SIPA1L3: variants seen among roughly 807,000 people sequenced by gnomAD.
The protein encoded by SIPA1L3 is signal induced proliferation associated 1 like 3.
A neutral mutation model predicts 150.1 loss-of-function variants in SIPA1L3; 59 were observed. That is an observed-to-expected ratio of 0.39 (90% CI 0.32 to 0.49). SIPA1L3 has a LOEUF of 0.49. Ranked by LOEUF, SIPA1L3 falls within the 20% of genes least tolerant of loss-of-function variation. The pLI, the probability that SIPA1L3 is intolerant of heterozygous loss-of-function variation, is 0.86. For missense variants in SIPA1L3, 2,211 were observed against 2,489.5 expected, an observed-to-expected ratio of 0.89 and a Z score of 2.38; for synonymous variants, 1,070 against 1,077.6, an observed-to-expected ratio of 0.99 and a Z score of 0.14.
chr19:37,999,451 A>G (rs1967729862), intron 1 of SIPA1L3, among the ~76,000 whole-genome samples: 1 of 152,206 alleles, frequency 6.6e-6, no homozygotes, highest in Non-Finnish European at 1.5e-5. Context: ...ATCCTTGTTA[A>G]ACAGGCAACC....
chr19:37,953,225 T>C (rs1310053074), intron 1 of SIPA1L3, among the ~76,000 whole-genome samples: 1 of 152,202 alleles, frequency 6.6e-6, no homozygotes, highest in Non-Finnish European at 1.5e-5. Flanking sequence ...AGTTTAAGTC[T>C]GCAGTTTTTT....
At chr19:38,140,164 G>A (rs1600125184) in intron 10 of SIPA1L3, among the ~76,000 whole-genome samples, 1 of 152,350 alleles carries the variant, frequency 6.6e-6, no homozygotes, top group East Asian at 1.9e-4. Context: ...GGGGGTATGG[G>A]CACTTCCAGG....
rs59924887 is a variant in SIPA1L3, at chr19:38,119,902, G to A, written c.2868+20G>A. ...CTGAAGGTAAGGGAGAGAGCCCGGC[G>A]ATAGGGCGGCGATTTGTATGGTTTC... On this transcript the variant is annotated intron_variant, in intron 9 of 21. Transcript: ENST00000222345. The A allele has an allele frequency of 0.14, 211,836 of 1,558,418 alleles. 14,822 individuals are homozygous for A. The highest frequency in any genetic ancestry group is 0.19 in the African/African-American group (13,846 of 73,632).
rs979785917 is a variant in SIPA1L3, at chr19:38,202,135, C to A, written c.5120+138C>A. 2.6e-5 allele frequency: 20 copies of A among 767,126 alleles called. No homozygotes were observed. In the East Asian group the frequency reaches 3.6e-4, roughly 14 times the overall value. 47.5% of individuals were successfully genotyped at this position (767,126 alleles called of 1,614,324 possible). A position where few individuals can be genotyped will look rare whatever the true frequency, so the allele number is the denominator to read the frequency against. On this transcript the variant is annotated intron_variant, in intron 20 of 21. Coordinates refer to ENST00000222345, the MANE Select transcript of SIPA1L3 (RefSeq NM_015073.3). ...GAAGCTGATATAGCAGCTACTCCCCCCTCCTAACAGACTTGGAAGTCATTA... is the reference window on the plus strand; with the variant it reads ...GAAGCTGATATAGCAGCTACTCCCCACTCCTAACAGACTTGGAAGTCATTA...
At chr19:38,079,104 A>G (rs556398973) in intron 2 of SIPA1L3, among the ~76,000 whole-genome samples, 5 of 152,322 alleles carry the variant, frequency 3.3e-5, no homozygotes, top group African/African-American at 1.2e-4. Context: ...AGGCCAAGGC[A>G]GGCGGATCAT....
chr19:37,970,013 G>A (rs1966894647), intron 1 of SIPA1L3, among the ~76,000 whole-genome samples: 1 of 152,100 alleles, frequency 6.6e-6, no homozygotes, highest in South Asian at 2.1e-4. Flanking sequence ...TTTTTGCTTT[G>A]CATTGCATCC....
At chr19:37,961,788 G>A (rs1248989846) in intron 1 of SIPA1L3, among the ~76,000 whole-genome samples, 1 of 151,860 alleles carries the variant, frequency 6.6e-6, no homozygotes. Context: ...TGTCTCTGAA[G>A]GCCTGTTTAT....
intron 1 of SIPA1L3, among the ~76,000 whole-genome samples, chr19:38,023,808 C>T (rs1968435205): frequency 6.6e-6 from 1 of 152,222 alleles, no homozygotes; most frequent in African/African-American, 2.4e-5. Context: ...TGGCCAGGCC[C>T]TCTTAGAGGC....
intron 1 of SIPA1L3, chr19:37,932,765 G>C (rs1222675626): frequency 6.6e-6 from 1 of 152,312 alleles, no homozygotes; most frequent in African/African-American, 2.4e-5. Context: ...TCCGGAGTTA[G>C]ACAGTTAGCT....
Position 38,035,635 on chromosome 19 carries a change from G to A in SIPA1L3, c.-311+6479G>A, listed in dbSNP as rs142479444. Among the ~76,000 whole-genome samples the A allele has an allele frequency of 7.6e-3, 1,157 of 152,262 alleles. 8 individuals carry two copies. The highest frequency in any genetic ancestry group is 8.7e-3 in the Non-Finnish European group (589 of 68,030). ...GTGGGTGCTTCCATTTTCTCCCAAG[G>A]TGGTTGTAAGGATTAAGATGGGATT... is the stretch of plus-strand genomic sequence containing the variant. On this transcript the variant is annotated intron_variant, in intron 2 of 21. Transcript: ENST00000222345.
intron 1 of SIPA1L3, among the ~76,000 whole-genome samples, chr19:37,986,179 A>C (rs2145625471): frequency 6.6e-6 from 1 of 152,312 alleles, no homozygotes; most frequent in East Asian, 1.9e-4. Flanking sequence ...CACAGTTAGG[A>C]GCCCAGATTC....
In SIPA1L3 at chr19:38,081,992, A is replaced by G; in HGVS notation, c.427A>G (p.Arg143Gly). The G allele has an allele frequency of 6.2e-7, 1 of 1,614,156 alleles. No individual in the cohort carries two copies. The highest frequency in any genetic ancestry group is 8.5e-7 in the Non-Finnish European group (1 of 1,179,992). Reference protein sequence around the residue: ...SGSKAFHRLSRRRSKDVEFQD... With the variant: ...SGSKAFHRLSGRRSKDVEFQD... ...GTCCAAAGCCTTCCACCGACTCTCC[A>G]GGAGAAGGTCCAAAGACGTGGAGTT... The change falls in exon 3 of 22, where the codon AGG becomes GGG. Residue 143 changes from arginine (R) to glycine (G), a missense_variant. By Grantham distance (125) the Arg-to-Gly change is moderately radical. Transcript: ENST00000222345.
At chr19:38,024,496 G>C (rs1968455664) in intron 1 of SIPA1L3, among the ~76,000 whole-genome samples, 1 of 151,932 alleles carries the variant, frequency 6.6e-6, no homozygotes, top group African/African-American at 2.4e-5. Flanking sequence ...GTACTCAGGG[G>C]AGTTCAAGGT....
intron 1 of SIPA1L3, among the ~76,000 whole-genome samples, chr19:37,922,450 G>A (rs761286535): frequency 6.6e-6 from 1 of 151,126 alleles, no homozygotes; most frequent in Non-Finnish European, 1.5e-5. Flanking sequence ...CTAGAGTGCA[G>A]TGGTGCGATC....
chr19:38,165,793 G>A (rs752073592), intron 15 of SIPA1L3, among the ~76,000 whole-genome samples: 1 of 152,110 alleles, frequency 6.6e-6, no homozygotes, highest in African/African-American at 2.4e-5. Context: ...ACGGAGTTTC[G>A]TTCTATTCAC....
chr19:38,112,010 CACAT>C (rs1970768992), intron 8 of SIPA1L3, among the ~76,000 whole-genome samples: 1 of 148,606 alleles, frequency 6.7e-6, no homozygotes, highest in East Asian at 2.0e-4. Flanking sequence ...CACAGGCACA[CACAT>C]GCACACACAC....
chr19:37,961,059 G>A (rs1048856126), intron 1 of SIPA1L3, among the ~76,000 whole-genome samples: 4 of 151,772 alleles, frequency 2.6e-5, no homozygotes, highest in African/African-American at 7.3e-5. Context: ...AGTAGAGATG[G>A]GGTTTCACCA....
rs568582504 is a variant in SIPA1L3, at chr19:38,182,800, C to T, written c.4430+60C>T. On this transcript the variant is annotated intron_variant, in intron 16 of 21. Coordinates refer to ENST00000222345, the MANE Select transcript of SIPA1L3 (RefSeq NM_015073.3). ...GATCCACACCAGGGCGTCTCCGGGGCGGAAAGAGGGTGATGCCACATGCTG... is the reference window on the plus strand; with the variant it reads ...GATCCACACCAGGGCGTCTCCGGGGTGGAAAGAGGGTGATGCCACATGCTG... 2.1e-4 allele frequency: 290 copies of T among 1,349,020 alleles called. 1 individual carries two copies. The South Asian group carries it at 3.5e-3, about 16-fold the overall frequency. The allele number at this position is 1,349,020 out of a possible 1,614,324, so 83.6% of individuals were successfully genotyped here.
At chr19:38,087,893 C>G (rs957531802) in intron 3 of SIPA1L3, 1 of 152,276 alleles carries the variant, frequency 6.6e-6, no homozygotes, top group Non-Finnish European at 1.5e-5. Context: ...TGGCGGGCGC[C>G]TGTAGTCCCA....
Sources: gnomAD v4.1 joint callset for allele counts (sites outside exome capture counted in the v4.1 genomes callset) on GRCh38, gnomAD v4.1.1 for gene constraint, MANE v1.5 for transcripts, NCBI Gene and HGNC (gene_info 2026-07-23, HGNC 2026-07-21) for gene names.